Variants in NCAPD3 observed in about 807,000 individuals in gnomAD.
The protein encoded by NCAPD3 is non-SMC condensin II complex subunit D3, also known as condensin-2 complex subunit D3.
In NCAPD3, 105 loss-of-function variants were observed where a neutral mutation model predicts 182.9. The observed-to-expected ratio is 0.57, with a 90% confidence interval of 0.49 to 0.68. The LOEUF is 0.68. NCAPD3 is among the 30% of genes least tolerant of loss of function. The probability of loss-of-function intolerance (pLI) is 0.00; values close to 1 mark genes in which losing one functional copy is unlikely to be tolerated. For synonymous variants in NCAPD3, 815 were observed against 679.9 expected, an observed-to-expected ratio of 1.20 and a Z score of -3.09; for missense variants, 1,944 against 1,837.0, an observed-to-expected ratio of 1.06 and a Z score of -1.07.
chr11:134,215,299 A>G (rs1565558355), intron 3 of NCAPD3, among the ~76,000 whole-genome samples: 1 of 152,210 alleles, frequency 6.6e-6, no homozygotes, highest in Non-Finnish European at 1.5e-5. Flanking sequence ...CTTCTATTCA[A>G]CACTGTACTG....
chr11:134,196,060 G>A (rs114111400), intron 13 of NCAPD3, among the ~76,000 whole-genome samples: 231 of 152,240 alleles, frequency 1.5e-3, no homozygotes, highest in Middle Eastern at 6.8e-3. Context: ...CTAAAAGTAG[G>A]TTCCTTGATA....
chr11:134,157,092 GAC>G lies in NCAPD3; in HGVS notation c.4176_4177del (p.Ser1393PhefsTer13). On this transcript the variant is annotated frameshift_variant and splice_region_variant, in exon 32 of 35. Transcript: ENST00000534548. LOFTEE classifies it high-confidence loss of function. ...CGACTCTTGCTCCAAACTGTATGAA[GAC>G]ACTAGAACAGAAAAGGTGCTGCTAT... 6.2e-7 allele frequency: 1 copy of G among 1,612,300 alleles called. No homozygotes were observed. The highest frequency in any genetic ancestry group is 8.5e-7 in the Non-Finnish European group (1 of 1,178,998).
intron 12 of NCAPD3, 111 bp from the exon 13 acceptor site, chr11:134,203,016 A>G: frequency 8.6e-7 from 1 of 1,158,002 alleles, no homozygotes; most frequent in Admixed American, 2.4e-5. Context: ...AATGAATTTC[A>G]ACCTCTCTCA....
At position 134,203,923 on chromosome 11, in the gene NCAPD3, A is replaced by G. The variant is rs751836361; in HGVS notation, c.1216-17T>C. 1.5e-5 allele frequency: 24 copies of G among 1,610,358 alleles called. No individual in the cohort carries two copies. In the South Asian group the frequency reaches 2.5e-4, roughly 17 times the overall value. On this transcript the variant is annotated splice_polypyrimidine_tract_variant and intron_variant, in intron 10 of 34. Coordinates refer to ENST00000534548, the MANE Select transcript of NCAPD3 (RefSeq NM_015261.3). ...GTGTGGGATCTGGTAAAGCAAGATC[A>G]TAAGAATTGCCATCAGATAGGAGTA...
intron 24 of NCAPD3, among the ~76,000 whole-genome samples, chr11:134,175,221 TTAAG>T (rs1329706734): frequency 5.3e-5 from 8 of 152,118 alleles, no homozygotes; most frequent in Non-Finnish European, 5.9e-5. Context: ...GAAATGCAGG[TTAAG>T]TAACCGATTT....
chr11:134,196,255 A>T (rs1463808055), intron 13 of NCAPD3, among the ~76,000 whole-genome samples: 1 of 152,122 alleles, frequency 6.6e-6, no homozygotes, highest in African/African-American at 2.4e-5. Context: ...TAAAAGAAAC[A>T]AATTTTTAGA....
chr11:134,193,904 C>T (rs1944573128), intron 15 of NCAPD3, 112 bp downstream of exon 15: 3 of 1,099,500 alleles, frequency 2.7e-6, no homozygotes, highest in South Asian at 1.5e-5. Context: ...CTACAGTGGA[C>T]TTAGTAGAGT....
intron 24 of NCAPD3, among the ~76,000 whole-genome samples, chr11:134,171,126 G>C (rs1943996784): frequency 6.6e-6 from 1 of 152,120 alleles, no homozygotes; most frequent in Non-Finnish European, 1.5e-5. Flanking sequence ...ATCTTAGTAA[G>C]CTGGGAGCTC....
At chr11:134,176,502 A>G in intron 23 of NCAPD3, 116 bp from the exon 24 acceptor site, 1 of 789,190 alleles carries the variant, frequency 1.3e-6, no homozygotes, top group Non-Finnish European at 2.2e-6. Context: ...CTGAGTGCAC[A>G]GGCACACACT....
chr11:134,166,797 G>T (rs1187805035), intron 27 of NCAPD3, among the ~76,000 whole-genome samples: 43 of 99,420 alleles, frequency 4.3e-4, no homozygotes, highest in East Asian at 1.1e-3. Context: ...ACTCGTGAGA[G>T]GAGCTTAGGG....
chr11:134,213,327 C>CT (rs200022450), intron 3 of NCAPD3, among the ~76,000 whole-genome samples: 23 of 148,300 alleles, frequency 1.6e-4, no homozygotes, highest in South Asian at 2.2e-4. Context: ...CTGGACCTCT[C>CT]TTTTTTTTTT....
rs776624124 is a variant in NCAPD3, at chr11:134,194,684, A to C, written c.1670T>G (p.Val557Gly). 7 of 1,606,934 alleles carry C rather than the reference A, an allele frequency of 4.4e-6. No individual in the cohort carries two copies. In the Admixed American group the frequency reaches 1.2e-4, roughly 27 times the overall value. Residue 557 changes from valine to glycine, a missense_variant, in exon 14 of 35, where the codon GTT (valine) becomes GGT (glycine). Around this residue, in one of 3 missense-constraint regions of NCAPD3, gnomAD observed 1,803 missense variants for 1,674.6 expected, o/e 1.08. Transcript: ENST00000534548. Reference protein sequence around the residue: ...RRRIRDEKTNVRKSALQVLVS... With the variant: ...RRRIRDEKTNGRKSALQVLVS... Reference sequence around the variant, plus strand: ...TCCCACCTGCAGTGCAGACTTCCTAACGTTGGTCTTCTCATCCCTGATCCT... The same window carrying C: ...TCCCACCTGCAGTGCAGACTTCCTACCGTTGGTCTTCTCATCCCTGATCCT...
Position 134,152,330 on chromosome 11 carries a change from G to T in NCAPD3, c.*614C>A, listed in dbSNP as rs370606192. On this transcript the variant is annotated 3_prime_UTR_variant, in exon 35 of 35. Transcript: ENST00000534548. ...CAAGACAATCATCTTTTTTCTAATA[G>T]GGAAGATTTGGTTTCATTCCTCTAA... is the stretch of plus-strand genomic sequence containing the variant. 4 of 152,218 alleles carry T rather than the reference G, an allele frequency of 2.6e-5. No individual in the cohort carries two copies. In the East Asian group the frequency reaches 7.7e-4, roughly 29 times the overall value. 9.4% of individuals were successfully genotyped at this position (152,218 alleles called of 1,614,324 possible). A position where few individuals can be genotyped will look rare whatever the true frequency, so the allele number is the denominator to read the frequency against.
chr11:134,194,016 C>T lies in NCAPD3; in HGVS notation c.1824G>A (p.Met608Ile). The stretch of plus-strand genomic sequence containing the variant: ...ACATATATAATGTCCTGCCTCTCAC[C>T]ATAAGGAGTTCAGTAAGAGACTGGA... ...QALQSLTELL[M>I]AQPRCVQIQK... The change falls in exon 15 of 35, where the codon ATG becomes ATA. Residue 608 changes from methionine to isoleucine, a missense_variant and splice_region_variant. Physicochemically the swap from Met to Ile is conservative, Grantham distance 10. Transcript: ENST00000534548. 1.9e-6 allele frequency: 3 copies of T among 1,613,154 alleles called. No homozygotes were observed. The highest frequency in any genetic ancestry group is 2.5e-6 in the Non-Finnish European group (3 of 1,179,494).
chr11:134,219,153 G>C (rs1161984832), intron 2 of NCAPD3, among the ~76,000 whole-genome samples: 2 of 152,104 alleles, frequency 1.3e-5, no homozygotes, highest in African/African-American at 4.8e-5. Context: ...TGTTCCCATT[G>C]GGTGGCTCCT....
chr11:134,194,736 T>C lies in NCAPD3; in HGVS notation c.1618A>G (p.Arg540Gly), dbSNP rs747615404. Residue 540 changes from arginine to glycine, a missense_variant and splice_region_variant, in exon 14 of 35, where the codon AGA becomes GGA. By Grantham distance (125) the Arg-to-Gly change is moderately radical (BLOSUM62 -2). Coordinates refer to ENST00000534548, the MANE Select transcript of NCAPD3 (RefSeq NM_015261.3). ...SSGETVGSGE[R>G]CVMAMLRRRI... ...CTTCTCAGCATTGCCATGACACATC[T>C]TTCTGTAGAGGGAATACCAAAGGGT... is the stretch of plus-strand genomic sequence containing the variant. 6.2e-6 allele frequency: 10 copies of C among 1,601,440 alleles called. No individual in the cohort carries two copies. Among genetic ancestry groups the C allele is most frequent in the Non-Finnish European group, 8.5e-6 (10 of 1,173,418 alleles).
At position 134,157,105 on chromosome 11, in the gene NCAPD3, A is replaced by G. The variant is rs781054194; in HGVS notation, c.4175-10T>C. 1 of 1,605,278 alleles carries G rather than the reference A, an allele frequency of 6.2e-7. No homozygotes were observed. Among genetic ancestry groups the G allele is most frequent in the Non-Finnish European group, 8.5e-7 (1 of 1,174,352 alleles). ...AAACTGTATGAAGACACTAGAACAG[A>G]AAAGGTGCTGCTATCCAGAAATACC... On this transcript the variant is annotated splice_polypyrimidine_tract_variant and intron_variant, in intron 31 of 34. Coordinates refer to ENST00000534548, the MANE Select transcript of NCAPD3 (RefSeq NM_015261.3).
chr11:134,209,459 C>G lies in NCAPD3; in HGVS notation c.586G>C (p.Glu196Gln). ...EDIEMDEIIEEQEDENICFSA... is the reference protein window; with the variant it reads ...EDIEMDEIIEQQEDENICFSA... Reference sequence around the variant, plus strand: ...AAACAAATATTCTCATCTTCTTGTTCTTCTATAATTTCATCCATCTAGATT... The same window carrying G: ...AAACAAATATTCTCATCTTCTTGTTGTTCTATAATTTCATCCATCTAGATT... The change falls in exon 5 of 35, where the codon GAA becomes CAA. Residue 196 changes from glutamate (E) to glutamine (Q), a missense_variant. By Grantham distance (29) the Glu-to-Gln change is conservative (BLOSUM62 2). Coordinates refer to ENST00000534548, the MANE Select transcript of NCAPD3 (RefSeq NM_015261.3). 6.2e-7 allele frequency: 1 copy of G among 1,611,260 alleles called. No homozygotes were observed. Among genetic ancestry groups the G allele is most frequent in the Non-Finnish European group, 8.5e-7 (1 of 1,179,000 alleles).
rs776353714 is a variant in NCAPD3 at position 134,202,921 on chromosome 11, TAC to T, written c.1526-18_1526-17del. 3 of 1,571,556 alleles carry T rather than the reference TAC, an allele frequency of 1.9e-6. No homozygotes were observed. Among genetic ancestry groups the T allele is most frequent in the Non-Finnish European group, 8.7e-7 (1 of 1,153,224 alleles). ...TAGGAAAAAGCTTTAAAAAAAAAATTACAGTCATTAAGCTAAAAATGTGTTAT... is the reference window on the plus strand; with the variant it reads ...TAGGAAAAAGCTTTAAAAAAAAAATTAGTCATTAAGCTAAAAATGTGTTAT... On this transcript the variant is annotated splice_polypyrimidine_tract_variant and intron_variant, in intron 12 of 34. Coordinates refer to ENST00000534548, the MANE Select transcript of NCAPD3 (RefSeq NM_015261.3).
Sources: allele counts gnomAD v4.1 joint callset (sites outside exome capture counted in the v4.1 genomes callset), GRCh38; gene constraint gnomAD v4.1.1; regional missense constraint gnomAD v4.1.1; transcripts MANE v1.5; gene names NCBI Gene and HGNC (gene_info 2026-07-23, HGNC 2026-07-21).